Variants in CEP350 observed in about 807,000 individuals in gnomAD.
CEP350 encodes centrosome-associated protein 350.
A neutral mutation model predicts 331.8 loss-of-function variants in CEP350; 126 were observed. That is an observed-to-expected ratio of 0.38 (90% CI 0.33 to 0.44). The LOEUF is 0.44. CEP350 is among the 20% of genes least tolerant of loss of function. The pLI, the probability that CEP350 is intolerant of heterozygous loss-of-function variation, is 1.00. For synonymous variants in CEP350, 1,200 were observed against 1,259.5 expected, an observed-to-expected ratio of 0.95 and a Z score of 1.00; for missense variants, 3,406 against 3,634.6, an observed-to-expected ratio of 0.94 and a Z score of 1.62.
At chr1:179,992,334 A>G in intron 5 of CEP350, 113 bp downstream of exon 5, 1 of 776,446 alleles carries the variant, frequency 1.3e-6, no homozygotes, top group Non-Finnish European at 1.8e-6. Context: ...GAAATAGTAT[A>G]ATACTCTAAT....
Position 180,048,698 on chromosome 1 carries a change from T to C in CEP350, c.4785T>C (p.Asp1595=), listed in dbSNP as rs753047434. 5 of 1,607,630 alleles carry C rather than the reference T, an allele frequency of 3.1e-6. No individual in the cohort carries two copies. Among genetic ancestry groups the C allele is most frequent in the South Asian group, 1.1e-5 (1 of 89,754 alleles). Residue 1595 remains aspartate (D), a synonymous_variant, in exon 22 of 38, where the codon GAT becomes GAC. Coordinates refer to ENST00000367607, the MANE Select transcript of CEP350 (RefSeq NM_014810.5). ...GTGATAGTGTTCCATCTCTTCCTGA[T>C]GAAAAAGGTAACTTTCTTTGCAAAT... ...LRSDSVPSLP[D]EKDSTSIATE... is the part of the protein sequence containing the mutation.
At chr1:179,964,034 C>T (rs559483632) in intron 1 of CEP350, among the ~76,000 whole-genome samples, 1 of 152,166 alleles carries the variant, frequency 6.6e-6, no homozygotes, top group African/African-American at 2.4e-5. Context: ...AATCTTTCAC[C>T]TCCCTGGTTA....
intron 27 of CEP350, among the ~76,000 whole-genome samples, chr1:180,069,103 G>A (rs774081891): frequency 6.6e-6 from 1 of 152,110 alleles, no homozygotes; most frequent in Non-Finnish European, 1.5e-5. Context: ...AAAAAGAAGG[G>A]GCAGAAAGTA....
Position 180,014,202 on chromosome 1 carries a change from T to C in CEP350, c.1749T>C (p.Pro583=). The C allele has an allele frequency of 6.2e-7, 1 of 1,610,266 alleles. No homozygotes were observed. The highest frequency in any genetic ancestry group is 8.5e-7 in the Non-Finnish European group (1 of 1,178,312). The part of the protein sequence containing the change: ...PDKITANEDP[P]VISKRRHYDT... The stretch of plus-strand genomic sequence containing the variant: ...AAATAACAGCTAATGAAGATCCCCC[T>C]GTTATTTCCAAAAGGCGCCACTATG... The change falls in exon 10 of 38, where the codon CCT becomes CCC. Residue 583 remains proline, a synonymous_variant. Transcript: ENST00000367607.
chr1:180,101,841 A>G (rs568739924), intron 37 of CEP350, among the ~76,000 whole-genome samples: 2 of 152,342 alleles, frequency 1.3e-5, no homozygotes, highest in Admixed American at 6.5e-5. Flanking sequence ...ATTAGGAAGG[A>G]TATTGCAAAG....
Position 180,031,362 on chromosome 1 carries a change from A to T in CEP350, c.3593A>T (p.Asp1198Val). The change falls in exon 15 of 38, where the codon GAT (aspartate) becomes GTT (valine). Residue 1198 changes from aspartate to valine, a missense_variant. By Grantham distance (152) the Asp-to-Val change is radical. This residue lies in a region of CEP350 where 1,857 missense variants were observed against 1,909.2 expected (regional missense o/e 0.97). Coordinates refer to ENST00000367607, the MANE Select transcript of CEP350 (RefSeq NM_014810.5). ...GGAAATGTTCAGAACTCACTTCTTGATGAGGAAAAAGCAGAACGTGGCTCC... is the reference window on the plus strand; with the variant it reads ...GGAAATGTTCAGAACTCACTTCTTGTTGAGGAAAAAGCAGAACGTGGCTCC... ...FTGNVQNSLLDEEKAERGSHQ... is the reference protein window; with the variant it reads ...FTGNVQNSLLVEEKAERGSHQ... 6.2e-7 allele frequency: 1 copy of T among 1,608,722 alleles called. No individual in the cohort carries two copies. The highest frequency in any genetic ancestry group is 8.5e-7 in the Non-Finnish European group (1 of 1,176,404).
intron 37 of CEP350, among the ~76,000 whole-genome samples, chr1:180,104,259 A>G (rs989599608): frequency 3.3e-5 from 5 of 151,468 alleles, no homozygotes; most frequent in Non-Finnish European, 4.4e-5. Context: ...TTCAAATTTT[A>G]TCTATAATTA....
chr1:179,971,505 T>G (rs1156307217), intron 1 of CEP350, among the ~76,000 whole-genome samples: 1 of 152,080 alleles, frequency 6.6e-6, no homozygotes, highest in African/African-American at 2.4e-5. Flanking sequence ...AAATTTTTTT[T>G]TGTGGACACT....
chr1:179,965,137 C>T (rs74779148), intron 1 of CEP350, among the ~76,000 whole-genome samples: 4,573 of 152,006 alleles, frequency 0.03, 124 homozygotes, highest in South Asian at 0.07. Flanking sequence ...TTTTTTATTT[C>T]TGCCTTAATT....
intron 16 of CEP350, among the ~76,000 whole-genome samples, chr1:180,036,282 T>C (rs1656349457): frequency 1.3e-5 from 2 of 152,222 alleles, no homozygotes; most frequent in Non-Finnish European, 2.9e-5. Context: ...AGTAATTATG[T>C]AAATATTACA....
intron 11 of CEP350, among the ~76,000 whole-genome samples, chr1:180,018,882 A>G (rs1655140573): frequency 7.2e-6 from 1 of 138,614 alleles, no homozygotes; most frequent in South Asian, 2.2e-4. Flanking sequence ...TTTCTGAGAC[A>G]GTCTTACTGT....
Position 180,014,080 on chromosome 1 carries a change from A to G in CEP350, c.1627A>G (p.Thr543Ala). 1.9e-6 allele frequency: 3 copies of G among 1,611,760 alleles called. No homozygotes were observed. The highest frequency in any genetic ancestry group is 2.5e-6 in the Non-Finnish European group (3 of 1,178,770). Residue 543 changes from threonine to alanine, a missense_variant, in exon 10 of 38, where the codon ACT becomes GCT. Thr to Ala is a moderately conservative substitution (Grantham distance 58, BLOSUM62 0). Around this residue, in one of 5 missense-constraint regions of CEP350, gnomAD observed 1,857 missense variants for 1,909.2 expected, o/e 0.97. Transcript: ENST00000367607. ...CCTACAGCTGGATTCTACAGCTCAC[A>G]CTGCAAAGCAAGATACTGTAGAGTT... ...DDLQLDSTAH[T>A]AKQDTVELQN... is the part of the protein sequence containing the mutation.
intron 33 of CEP350, among the ~76,000 whole-genome samples, chr1:180,091,008 G>T (rs12119113): frequency 0.077 from 11,435 of 147,604 alleles, 600 homozygotes; most frequent in African/African-American, 0.16. Context: ...AGTTTTTTGG[G>T]TTTTTTTTTT....
In CEP350 at chr1:180,022,749, C is replaced by G. The variant is rs1034211160; in HGVS notation, c.3287C>G (p.Ala1096Gly). Residue 1096 changes from alanine (A) to glycine (G), a missense_variant, in exon 13 of 38, where the codon GCC becomes GGC. Physicochemically the swap from Ala to Gly is moderately conservative, Grantham distance 60. Around this residue, in one of 5 missense-constraint regions of CEP350, gnomAD observed 1,857 missense variants for 1,909.2 expected, o/e 0.97. Coordinates refer to ENST00000367607, the MANE Select transcript of CEP350 (RefSeq NM_014810.5). The part of the protein sequence containing the change: ...RGTSTSRPLN[A>G]TATPLSGVSY... Reference sequence around the variant, plus strand: ...ACATCAACATCACGGCCTTTGAATGCCACCGCAACTCCTCTAAGTGGTGTT... The same window carrying G: ...ACATCAACATCACGGCCTTTGAATGGCACCGCAACTCCTCTAAGTGGTGTT... 6.2e-7 allele frequency: 1 copy of G among 1,611,486 alleles called. No homozygotes were observed. The highest frequency in any genetic ancestry group is 1.3e-5 in the African/African-American group (1 of 74,856).
intron 1 of CEP350, among the ~76,000 whole-genome samples, chr1:179,983,857 G>T: frequency 6.6e-6 from 1 of 152,152 alleles, no homozygotes; most frequent in East Asian, 1.9e-4. Context: ...GTGGGCAAAG[G>T]ATAGAAAAGA....
chr1:180,026,758 A>G (rs1655707008), intron 14 of CEP350, among the ~76,000 whole-genome samples: 2 of 152,210 alleles, frequency 1.3e-5, no homozygotes, highest in Admixed American at 1.3e-4. Context: ...TTAGCATAAT[A>G]TCTGACTCAC....
At chr1:180,090,545 C>CAAAAAAAAAAAAA (rs36128628) in intron 32 of CEP350, among the ~76,000 whole-genome samples, 169 bp from the exon 33 acceptor site, 14 of 77,360 alleles carry the variant, frequency 1.8e-4, no homozygotes, top group Non-Finnish European at 2.8e-4. Flanking sequence ...GACTCCGTCT[C>CAAAAAAAAAAAAA]AAAAAAAAAA....
In CEP350 at chr1:180,041,654, A is replaced by G. The variant is rs1279433706; in HGVS notation, c.4222-8A>G. On this transcript the variant is annotated splice_region_variant and splice_polypyrimidine_tract_variant and intron_variant, in intron 18 of 37. Transcript: ENST00000367607. Reference sequence around the variant, plus strand: ...ATAACTTCTTTTTTAAACCCCTTTTATTTAAAGGTCCATGCAGAATCATTA... The same window carrying G: ...ATAACTTCTTTTTTAAACCCCTTTTGTTTAAAGGTCCATGCAGAATCATTA... 5 of 1,607,172 alleles carry G rather than the reference A, an allele frequency of 3.1e-6. No homozygotes were observed. In the Admixed American group the frequency reaches 6.8e-5, roughly 22 times the overall value.
At chr1:180,086,916 C>T (rs891157665) in intron 31 of CEP350, among the ~76,000 whole-genome samples, 1 of 152,018 alleles carries the variant, frequency 6.6e-6, no homozygotes. Flanking sequence ...TAGGACATTG[C>T]GTACCAGACA....
Sources: allele counts gnomAD v4.1 joint callset (sites outside exome capture counted in the v4.1 genomes callset), GRCh38; gene constraint gnomAD v4.1.1; regional missense constraint gnomAD v4.1.1; transcripts MANE v1.5; gene names NCBI Gene and HGNC (gene_info 2026-07-23, HGNC 2026-07-21).